The following TRMT1L variants were observed in gnomAD, a reference collection of about 807,000 sequenced individuals.
TRMT1L encodes the protein tRNA (guanine(27)-N(2))-dimethyltransferase.
TRMT1L carries 28 observed loss-of-function variants against 81.6 expected under a neutral mutation model. The observed-to-expected ratio is 0.34, with a 90% confidence interval of 0.25 to 0.47. The LOEUF (loss-of-function observed/expected upper bound fraction) is 0.47, where lower values mean the gene tolerates loss of function less well. Among genes scored for constraint, TRMT1L ranks in the 20% least tolerant of loss-of-function variants. The pLI is 1.00. For synonymous variants in TRMT1L, 301 were observed against 303.2 expected (o/e 0.99, Z 0.07); for missense variants, 739 against 877.1 (o/e 0.84, Z 1.99).
chr1:185,140,944 C>T (rs1308027303), intron 7 of TRMT1L, among the ~76,000 whole-genome samples: 1 of 149,510 alleles, frequency 6.7e-6, no homozygotes, highest in Non-Finnish European at 1.5e-5. Context: ...TGCCAAGACC[C>T]CATCTCAAAG....
chr1:185,144,102 C>G, intron 5 of TRMT1L, 73 bp from the exon 6 acceptor site: 1 of 1,369,854 alleles, frequency 7.3e-7, no homozygotes, highest in Non-Finnish European at 9.9e-7. Context: ...CAAGAAAACA[C>G]AAAATAATTG....
intron 1 of TRMT1L, among the ~76,000 whole-genome samples, chr1:185,152,773 C>T (rs1331375593): frequency 6.6e-6 from 1 of 151,970 alleles, no homozygotes; most frequent in Non-Finnish European, 1.5e-5. Flanking sequence ...GTATATTAAG[C>T]AAACAAGACA....
chr1:185,137,780 T>G lies in TRMT1L; in HGVS notation c.1339A>C (p.Asn447His). ...GCAAACAGTACTTCTATGCCTTTGT[T>G]GCATCGGGCTGCAGCTCTACAATAA... ...AAVARAAARC[N>H]KGIEVLFAVA... The change falls in exon 10 of 15, where the codon AAC becomes CAC. Residue 447 changes from asparagine (N) to histidine (H), a missense_variant. Asn to His is a moderately conservative substitution (Grantham distance 68, BLOSUM62 1). This residue lies in a region of TRMT1L where 331 missense variants were observed against 462.2 expected (regional missense o/e 0.72). Coordinates refer to ENST00000367506, the MANE Select transcript of TRMT1L (RefSeq NM_030934.5). 6.2e-7 allele frequency: 1 copy of G among 1,613,142 alleles called. No homozygotes were observed. Among genetic ancestry groups the G allele is most frequent in the Non-Finnish European group, 8.5e-7 (1 of 1,179,802 alleles).
At chr1:185,155,344 C>G (rs1325953852) in intron 1 of TRMT1L, among the ~76,000 whole-genome samples, 1 of 152,168 alleles carries the variant, frequency 6.6e-6, no homozygotes, top group African/African-American at 2.4e-5. Context: ...CATGCCTCCC[C>G]GATCCCTACC....
rs1179197380 is a variant in TRMT1L at position 185,123,895 on chromosome 1, G to C, written c.1784C>G (p.Thr595Ser). Residue 595 changes from threonine to serine, a missense_variant, in exon 13 of 15, where the codon ACT (threonine) becomes AGT (serine). By Grantham distance (58) the Thr-to-Ser change is moderately conservative. Coordinates refer to ENST00000367506, the MANE Select transcript of TRMT1L (RefSeq NM_030934.5). ...KQEENGVFIK[T>S]TDDTTTDNYI... is the part of the protein sequence containing the mutation. Reference sequence around the variant, plus strand: ...ATTATCTGTTGTGGTGTCATCTGTAGTTTTAATAAATACACCATTTTCTTC... The same window carrying C: ...ATTATCTGTTGTGGTGTCATCTGTACTTTTAATAAATACACCATTTTCTTC... The C allele has an allele frequency of 1.3e-6, 2 of 1,508,810 alleles. No homozygotes were observed. Among genetic ancestry groups the C allele is most frequent in the Admixed American group, 4.8e-5 (2 of 41,438 alleles). The allele number at this position is 1,508,810 out of a possible 1,614,324, so 93.5% of individuals were successfully genotyped here. A position where few individuals can be genotyped will look rare whatever the true frequency, so the allele number is the denominator to read the frequency against.
chr1:185,127,725 C>CT (rs1285084048), intron 11 of TRMT1L, among the ~76,000 whole-genome samples: 1 of 141,638 alleles, frequency 7.1e-6, no homozygotes, highest in Non-Finnish European at 1.5e-5. Flanking sequence ...TGCCATTGCA[C>CT]TCCAGGTTGG....
intron 10 of TRMT1L, among the ~76,000 whole-genome samples, chr1:185,136,931 T>A (rs1012153904): frequency 1.3e-5 from 2 of 151,998 alleles, no homozygotes; most frequent in South Asian, 4.1e-4. Context: ...TCTTTCTAAC[T>A]ACAGGCAAAA....
At chr1:185,142,847 A>T (rs1443197150) in intron 7 of TRMT1L, among the ~76,000 whole-genome samples, 2 of 152,164 alleles carry the variant, frequency 1.3e-5, no homozygotes, top group Admixed American at 6.5e-5. Flanking sequence ...AGAAGGACCC[A>T]TAGATTTAAA....
At chr1:185,144,370 C>A (rs1486654212) in intron 5 of TRMT1L, among the ~76,000 whole-genome samples, 1 of 151,912 alleles carries the variant, frequency 6.6e-6, no homozygotes, top group Non-Finnish European at 1.5e-5. Flanking sequence ...TCCTAAAATA[C>A]CTTTGTGGTT....
Position 185,151,857 on chromosome 1 carries a change from G to T in TRMT1L, c.314C>A (p.Ala105Asp). Residue 105 changes from alanine to aspartate, a missense_variant, in exon 2 of 15, where the codon GCC becomes GAC. Coordinates refer to ENST00000367506, the MANE Select transcript of TRMT1L (RefSeq NM_030934.5). ...AFVTDGNFDS[A>D]SSLNSDNLDA... is the part of the protein sequence containing the mutation. ...AAGATTATCTGAGTTCAATGAGCTG[G>T]CAGAGTCAAAATTTCCATCAGTTAC... The T allele has an allele frequency of 2.5e-6, 4 of 1,599,334 alleles. 1 individual carries two copies. The East Asian group carries it at 9.1e-5, about 37-fold the overall frequency.
chr1:185,144,655 C>A (rs1653138482), intron 5 of TRMT1L, among the ~76,000 whole-genome samples: 1 of 134,170 alleles, frequency 7.5e-6, no homozygotes, highest in Non-Finnish European at 1.6e-5. Flanking sequence ...TATATATGTG[C>A]ATATGTTTTA....
At chr1:185,153,515 C>T (rs1319415069) in intron 1 of TRMT1L, among the ~76,000 whole-genome samples, 1 of 152,076 alleles carries the variant, frequency 6.6e-6, no homozygotes, top group Non-Finnish European at 1.5e-5. Flanking sequence ...ATCAAGAAAG[C>T]ACATCTGGTG....
intron 11 of TRMT1L, among the ~76,000 whole-genome samples, chr1:185,125,788 T>C (rs1429834329): frequency 6.6e-6 from 1 of 152,146 alleles, no homozygotes; most frequent in Non-Finnish European, 1.5e-5. Flanking sequence ...TAATATACAA[T>C]GTTGACCTTA....
intron 9 of TRMT1L, 63 bp downstream of exon 9, chr1:185,139,304 G>C: frequency 5.1e-6 from 7 of 1,359,412 alleles, no homozygotes; most frequent in Non-Finnish European, 7.2e-6. Flanking sequence ...AGTACTTCTT[G>C]TAATATTATC....
chr1:185,137,426 A>C, intron 10 of TRMT1L, 180 bp downstream of exon 10: 1 of 720,200 alleles, frequency 1.4e-6, no homozygotes, highest in East Asian at 2.7e-5. Context: ...TGAGTAAATA[A>C]CTTTAATAAA....
chr1:185,144,158 A>T, intron 5 of TRMT1L, 129 bp from the exon 6 acceptor site: 1 of 1,056,008 alleles, frequency 9.5e-7, no homozygotes, highest in Non-Finnish European at 1.3e-6. Flanking sequence ...ATAACTTTAT[A>T]TTATTTTGTG....
At chr1:185,157,502 T>C (rs1431342658), upstream of TRMT1L, 1 of 152,470 alleles carries the variant, frequency 6.6e-6, no homozygotes, top group African/African-American at 2.4e-5. Context: ...CTGGCCCGGC[T>C]TGCCTCCGGG....
At position 185,143,241 on chromosome 1, in the gene TRMT1L, A is replaced by C. The variant is rs537391738; in HGVS notation, c.859+116T>G. The C allele has an allele frequency of 4.6e-4, 410 of 884,890 alleles. 2 individuals are homozygous for C. The highest frequency in any genetic ancestry group is 6.5e-4 in the Non-Finnish European group (386 of 595,642). 54.8% of individuals were successfully genotyped at this position (884,890 alleles called of 1,614,324 possible). A position where few individuals can be genotyped will look rare whatever the true frequency, so the allele number is the denominator to read the frequency against. The stretch of plus-strand genomic sequence containing the variant: ...AAAATTTTTCACAATAAAAAATTAA[A>C]AATTTTGCCTTGGATCTTTAATTTT... On this transcript the variant is annotated intron_variant, in intron 7 of 14. Transcript: ENST00000367506.
At position 185,156,577 on chromosome 1, in the gene TRMT1L, C is replaced by G; in HGVS notation, c.136G>C (p.Ala46Pro). Residue 46 changes from alanine to proline, a missense_variant, in exon 1 of 15, where the codon GCT (alanine) becomes CCT (proline). Coordinates refer to ENST00000367506, the MANE Select transcript of TRMT1L (RefSeq NM_030934.5). ...GCTGGAGCCGAGGCCGGAGTCGGAG[C>G]CGAGTCCAGAGCCGAATCCGGGGCC... is the stretch of plus-strand genomic sequence containing the variant. ...APAPDSALDSAPTPASAPAPA... is the reference protein window; with the variant it reads ...APAPDSALDSPPTPASAPAPA... The G allele has an allele frequency of 6.3e-7, 1 of 1,599,750 alleles. No homozygotes were observed. The highest frequency in any genetic ancestry group is 1.1e-5 in the South Asian group (1 of 89,870).
Sources: gnomAD v4.1 joint callset for allele counts (sites outside exome capture counted in the v4.1 genomes callset) on GRCh38, gnomAD v4.1.1 for gene constraint, gnomAD v4.1.1 regional missense constraint, MANE v1.5 for transcripts, NCBI Gene and HGNC (gene_info 2026-07-23, HGNC 2026-07-21) for gene names.